ULK4: variants seen among roughly 807,000 people sequenced by gnomAD.
ULK4 encodes the protein unc-51 like kinase 4.
ULK4 carries 133 observed loss-of-function variants against 160.6 expected under a neutral mutation model. That is an observed-to-expected ratio of 0.83 (90% CI 0.72 to 0.96). The LOEUF (loss-of-function observed/expected upper bound fraction) is 0.96, where lower values mean the gene tolerates loss of function less well. ULK4 is among the 40% of genes least tolerant of loss of function. The pLI, the probability that ULK4 is intolerant of heterozygous loss-of-function variation, is 0.00. For synonymous variants in ULK4, 534 were observed against 539.8 expected (o/e 0.99, Z 0.15); for missense variants, 1,580 against 1,499.5 (o/e 1.05, Z -0.89).
intron 29 of ULK4, among the ~76,000 whole-genome samples, chr3:41,675,132 C>T (rs185380881): frequency 4.8e-4 from 73 of 151,846 alleles, no homozygotes; most frequent in Middle Eastern, 3.4e-3. Context: ...CCCAGCCACT[C>T]GGGAGGCTGA....
At chr3:41,531,528 A>T (rs1170316234) in intron 32 of ULK4, among the ~76,000 whole-genome samples, 1 of 151,638 alleles carries the variant, frequency 6.6e-6, no homozygotes, top group Non-Finnish European at 1.5e-5. Context: ...GAAAAAGAAA[A>T]AAAAAAGAAA....
intron 21 of ULK4, among the ~76,000 whole-genome samples, chr3:41,758,865 T>A (rs2038891860): frequency 6.8e-6 from 1 of 147,920 alleles, no homozygotes. Context: ...AGAGCAAGAC[T>A]CCATCTCAAT....
chr3:41,565,333 A>G (rs569256828), intron 32 of ULK4, among the ~76,000 whole-genome samples: 3 of 152,324 alleles, frequency 2.0e-5, no homozygotes, highest in Non-Finnish European at 4.4e-5. Context: ...GCTTTTGGTC[A>G]TATCTGTTTT....
intron 35 of ULK4, among the ~76,000 whole-genome samples, chr3:41,374,667 C>A (rs1482092934): frequency 2.0e-5 from 3 of 152,048 alleles, no homozygotes; most frequent in African/African-American, 7.2e-5. Flanking sequence ...TATGACAAAC[C>A]CACAGCCAAT....
chr3:41,584,378 A>G (rs973383069), intron 31 of ULK4, among the ~76,000 whole-genome samples: 1 of 151,946 alleles, frequency 6.6e-6, no homozygotes, highest in South Asian at 2.1e-4. Context: ...TGCAACCTCC[A>G]CCTCCCAAGC....
At chr3:41,885,411 C>T (rs895443533) in intron 16 of ULK4, among the ~76,000 whole-genome samples, 1 of 152,150 alleles carries the variant, frequency 6.6e-6, no homozygotes, top group Non-Finnish European at 1.5e-5. Context: ...ACAAGTACCA[C>T]ATACCCTATA....
At chr3:41,503,027 G>GAA (rs201015608) in intron 32 of ULK4, among the ~76,000 whole-genome samples, 15 of 149,616 alleles carry the variant, frequency 1.0e-4, no homozygotes, top group African/African-American at 3.2e-4. Context: ...TTAGCCTAAG[G>GAA]AAAAAAAAAT....
intron 30 of ULK4, among the ~76,000 whole-genome samples, chr3:41,644,925 G>C (rs1216713979): frequency 6.6e-6 from 1 of 152,072 alleles, no homozygotes; most frequent in South Asian, 2.1e-4. Context: ...GTCTTGGGAG[G>C]GTGTATGTGT....
chr3:41,561,543 G>A lies in ULK4; in HGVS notation c.3226+4482C>T, dbSNP rs925029529. ...AATTATTGCCTCAATTTCAGAGCCT[G>A]GTGTTGTTCTATTCAGAGACTCAAC... On this transcript the variant is annotated intron_variant, in intron 32 of 36. Coordinates refer to ENST00000301831, the MANE Select transcript of ULK4 (RefSeq NM_017886.4). Among the ~76,000 whole-genome samples the A allele has an allele frequency of 1.2e-4, 19 of 152,156 alleles. 1 individual carries two copies. The highest frequency in any genetic ancestry group is 4.6e-4 in the African/African-American group (19 of 41,452).
rs550918961 is a variant in ULK4 at position 41,282,207 on chromosome 3, G to A, written c.3679-32633C>T. ...CTCATGGATAGGAAGAATTGATATC[G>A]TGAAAATGGCCATACTGCCCAAGGT... On this transcript the variant is annotated intron_variant, in intron 35 of 36. Coordinates refer to ENST00000301831, the MANE Select transcript of ULK4 (RefSeq NM_017886.4). Among the ~76,000 whole-genome samples, 13 of 152,244 alleles carry A rather than the reference G, an allele frequency of 8.5e-5. No homozygotes were observed. In the East Asian group the frequency reaches 1.5e-3, roughly 18 times the overall value.
At chr3:41,672,363 C>T (rs200014206) in intron 29 of ULK4, among the ~76,000 whole-genome samples, 1 of 152,090 alleles carries the variant, frequency 6.6e-6, no homozygotes, top group Admixed American at 6.5e-5. Context: ...GAATACTATT[C>T]AACCACAAAA....
intron 30 of ULK4, among the ~76,000 whole-genome samples, chr3:41,624,513 C>T (rs1299426132): frequency 1.3e-5 from 2 of 152,130 alleles, no homozygotes; most frequent in African/African-American, 2.4e-5. Flanking sequence ...GCATGATGCG[C>T]ACGCTGGCCT....
intron 32 of ULK4, among the ~76,000 whole-genome samples, chr3:41,488,573 AT>A (rs921580672): frequency 6.6e-6 from 1 of 152,242 alleles, no homozygotes; most frequent in Non-Finnish European, 1.5e-5. Flanking sequence ...CTTGCAAAGA[AT>A]TAAAAAGAAG....
chr3:41,363,585 G>T (rs1424965079), intron 35 of ULK4, among the ~76,000 whole-genome samples: 1 of 152,178 alleles, frequency 6.6e-6, no homozygotes, highest in African/African-American at 2.4e-5. Context: ...TCAGCAGAAG[G>T]TGTGTACCAC....
At chr3:41,658,883 G>C (rs1371697676) in intron 30 of ULK4, among the ~76,000 whole-genome samples, 1 of 151,684 alleles carries the variant, frequency 6.6e-6, no homozygotes, top group Non-Finnish European at 1.5e-5. Context: ...AAATTAAAAT[G>C]AAATATAAAA....
rs79457168 is a variant in ULK4, at chr3:41,386,494, G to A, written c.3678+11585C>T. Among the ~76,000 whole-genome samples, 1,016 of 152,240 alleles carry A rather than the reference G, an allele frequency of 6.7e-3. 4 individuals are homozygous for A. The highest frequency in any genetic ancestry group is 0.015 in the African/African-American group (624 of 41,552). ...GTTTTCTCAAAAGTCAGGCAGGAAA[G>A]AAATGTTTGAATCACTTGAGTATAA... is the stretch of plus-strand genomic sequence containing the variant. On this transcript the variant is annotated intron_variant, in intron 35 of 36. Transcript: ENST00000301831.
chr3:41,709,623 A>C (rs551701258), intron 25 of ULK4, among the ~76,000 whole-genome samples: 1 of 152,068 alleles, frequency 6.6e-6, no homozygotes, highest in Admixed American at 6.5e-5. Flanking sequence ...CTGACCTCAT[A>C]ATCTGCCTGC....
chr3:41,423,211 CA>C (rs761669157), intron 34 of ULK4, among the ~76,000 whole-genome samples: 13 of 152,140 alleles, frequency 8.5e-5, no homozygotes, highest in Non-Finnish European at 1.3e-4. Flanking sequence ...CAAATGTAAA[CA>C]GGGGTTACAC....
At chr3:41,279,009 G>A (rs901961596) in intron 35 of ULK4, among the ~76,000 whole-genome samples, 6 of 152,086 alleles carry the variant, frequency 3.9e-5, no homozygotes, top group Non-Finnish European at 8.8e-5. Flanking sequence ...CCGACCTAAA[G>A]GAGCATGTTC....
Sources: allele counts gnomAD v4.1 joint callset (sites outside exome capture counted in the v4.1 genomes callset), GRCh38; gene constraint gnomAD v4.1.1; transcripts MANE v1.5; gene names NCBI Gene and HGNC (gene_info 2026-07-23, HGNC 2026-07-21).